Variants in PCCB observed in about 807,000 individuals in gnomAD.
PCCB encodes the protein propionyl-CoA carboxylase beta chain, mitochondrial.
In PCCB, 43 loss-of-function variants were observed where a neutral mutation model predicts 60.7. The observed-to-expected ratio is 0.71, with a 90% CI of 0.55 to 0.91. The LOEUF (loss-of-function observed/expected upper bound fraction) is 0.91, where lower values mean the gene tolerates loss of function less well. PCCB is among the 40% of genes least tolerant of loss of function. The probability of loss-of-function intolerance (pLI) is 0.00; values close to 1 mark genes in which losing one functional copy is unlikely to be tolerated. For synonymous variants in PCCB, 276 were observed against 255.9 expected (o/e 1.08, Z -0.75); for missense variants, 766 against 702.8 (o/e 1.09, Z -1.02).
rs761529521 is a variant in PCCB, at chr3:136,326,844, G to A, written c.1132G>A (p.Val378Ile). 6 of 1,613,072 alleles carry A rather than the reference G, an allele frequency of 3.7e-6. No individual in the cohort carries two copies. The highest frequency in any genetic ancestry group is 3.3e-5 in the Admixed American group (2 of 59,994). ...INSSVKGARF[V>I]RFCDAFNIPL... ...TTCATCTGTGAAAGGGGCTCGTTTT[G>A]TCAGATTCTGTGATGCATTCAATAT... is the stretch of plus-strand genomic sequence containing the variant. The change falls in exon 11 of 15, where the codon GTC becomes ATC. Residue 378 changes from valine to isoleucine, a missense_variant. By Grantham distance (29) the Val-to-Ile change is conservative. Coordinates refer to ENST00000251654, the MANE Select transcript of PCCB (RefSeq NM_000532.5).
rs770279302 is a variant in PCCB, at chr3:136,327,209, C to G, written c.1253C>G (p.Ala418Gly). The change falls in exon 12 of 15, where the codon GCA becomes GGA. Residue 418 changes from alanine (A) to glycine (G), a missense_variant. Ala to Gly is a moderately conservative substitution (Grantham distance 60, BLOSUM62 0). Coordinates refer to ENST00000251654, the MANE Select transcript of PCCB (RefSeq NM_000532.5). ...IIRHGAKLLY[A>G]FAEATVPKVT... ...CGGCATGGTGCCAAGCTTCTCTACG[C>G]ATTTGCTGAGGCAACTGTACCCAAA... The G allele has an allele frequency of 1.6e-5, 26 of 1,614,172 alleles. No homozygotes were observed. Among genetic ancestry groups the G allele is most frequent in the Non-Finnish European group, 2.2e-5 (26 of 1,180,024 alleles).
In PCCB at chr3:136,254,668, G is replaced by T. The variant is rs773136159; in HGVS notation, c.184-1188G>T. Among the ~76,000 whole-genome samples the T allele has an allele frequency of 5.9e-5, 9 of 151,620 alleles. No individual in the cohort carries two copies. In the South Asian group the frequency reaches 1.7e-3, roughly 28 times the overall value. Reference sequence around the variant, plus strand: ...CTGCCTCAGCCTCTTGAGTAGCTGGGATTACAGGCACGTGCCACCACTCCC... The same window carrying T: ...CTGCCTCAGCCTCTTGAGTAGCTGGTATTACAGGCACGTGCCACCACTCCC... On this transcript the variant is annotated intron_variant, in intron 1 of 14. Coordinates refer to ENST00000251654, the MANE Select transcript of PCCB (RefSeq NM_000532.5).
At chr3:136,318,076 C>T (rs1165996692) in intron 10 of PCCB, among the ~76,000 whole-genome samples, 2 of 152,196 alleles carry the variant, frequency 1.3e-5, no homozygotes, top group Non-Finnish European at 2.9e-5. Context: ...TGGTGCCTCA[C>T]GCCTGTAATC....
intron 10 of PCCB, among the ~76,000 whole-genome samples, chr3:136,320,205 T>C (rs1935062254): frequency 6.6e-6 from 1 of 152,208 alleles, no homozygotes; most frequent in Admixed American, 6.5e-5. Context: ...ATATGAATTT[T>C]GGTAGTGACT....
At chr3:136,293,419 C>T (rs1056884202) in intron 6 of PCCB, among the ~76,000 whole-genome samples, 2 of 152,190 alleles carry the variant, frequency 1.3e-5, no homozygotes, top group African/African-American at 2.4e-5. Context: ...TTTAGTGACA[C>T]AGTTTTGTGA....
intron 6 of PCCB, among the ~76,000 whole-genome samples, chr3:136,290,671 G>GTTTTGTTTTTTTTTTTT (rs1933637324): frequency 1.7e-5 from 1 of 60,050 alleles, no homozygotes; most frequent in African/African-American, 7.5e-5. Flanking sequence ...TCTCTGTGTA[G>GTTTTGTTTTTTTTTTTT]TTTTTTTTTT....
chr3:136,289,943 A>G (rs1045367961), intron 6 of PCCB, among the ~76,000 whole-genome samples: 3 of 152,160 alleles, frequency 2.0e-5, no homozygotes, highest in East Asian at 1.9e-4. Flanking sequence ...TATCCCTCAT[A>G]TGATATATAT....
intron 3 of PCCB, among the ~76,000 whole-genome samples, chr3:136,258,703 T>C (rs1453648244): frequency 6.6e-6 from 1 of 152,148 alleles, no homozygotes; most frequent in Non-Finnish European, 1.5e-5. Context: ...TCTTTTAGGC[T>C]AGCGATTGTG....
intron 5 of PCCB, among the ~76,000 whole-genome samples, chr3:136,279,641 C>G (rs1942421621): frequency 6.6e-6 from 1 of 152,064 alleles, no homozygotes; most frequent in Non-Finnish European, 1.5e-5. Context: ...TTTATTGTTT[C>G]ATGCATTTGC....
intron 10 of PCCB, among the ~76,000 whole-genome samples, chr3:136,323,101 GT>G (rs1213162034): frequency 6.7e-6 from 1 of 150,346 alleles, no homozygotes; most frequent in African/African-American, 2.4e-5. Flanking sequence ...TCTTCTTAGA[GT>G]TAGTTGAGTT....
chr3:136,310,059 C>CT (rs1212618444), intron 9 of PCCB, among the ~76,000 whole-genome samples: 1 of 151,808 alleles, frequency 6.6e-6, no homozygotes, highest in Admixed American at 6.6e-5. Flanking sequence ...TGACGAAACT[C>CT]TGTCTCTACA....
At chr3:136,303,518 A>T (rs1479218212) in intron 9 of PCCB, among the ~76,000 whole-genome samples, 1 of 122,526 alleles carries the variant, frequency 8.2e-6, no homozygotes, top group Non-Finnish European at 1.8e-5. Context: ...CATTGATATT[A>T]TGTGATACTA....
At chr3:136,252,660 TAA>T (rs1941549680) in intron 1 of PCCB, among the ~76,000 whole-genome samples, 1 of 144,732 alleles carries the variant, frequency 6.9e-6, no homozygotes, top group Admixed American at 6.8e-5. Context: ...CCTACCCAGC[TAA>T]TTTTTTTTTT....
chr3:136,323,870 A>G (rs1041167100), intron 10 of PCCB, among the ~76,000 whole-genome samples: 5 of 150,182 alleles, frequency 3.3e-5, no homozygotes, highest in African/African-American at 1.2e-4. Context: ...TTCAGTGTCT[A>G]TGCTTACTTA....
chr3:136,282,083 C>G (rs907537274), intron 5 of PCCB, among the ~76,000 whole-genome samples: 2 of 152,140 alleles, frequency 1.3e-5, no homozygotes, highest in African/African-American at 4.8e-5. Context: ...GAACATACAA[C>G]CTTGATTTTT....
At position 136,321,740 on chromosome 3, in the gene PCCB, G is replaced by C. The variant is rs114882873; in HGVS notation, c.1090+4676G>C. ...GATGAGATTTGGGCGGGCACACAGA[G>C]CTATCCCATACCAATAGTATTTTGT... On this transcript the variant is annotated intron_variant, in intron 10 of 14. Transcript: ENST00000251654. Among the ~76,000 whole-genome samples the C allele has an allele frequency of 7.2e-3, 1,090 of 152,310 alleles. 17 individuals carry two copies. The highest frequency in any genetic ancestry group is 0.025 in the African/African-American group (1,037 of 41,558).
intron 5 of PCCB, among the ~76,000 whole-genome samples, chr3:136,272,103 T>C (rs1942217964): frequency 6.6e-6 from 1 of 152,216 alleles, no homozygotes; most frequent in Admixed American, 6.5e-5. Flanking sequence ...TTTTTCTGCA[T>C]GCAATTGAGA....
At chr3:136,312,253 A>G (rs994288694) in intron 9 of PCCB, among the ~76,000 whole-genome samples, 1 of 152,232 alleles carries the variant, frequency 6.6e-6, no homozygotes, top group Non-Finnish European at 1.5e-5. Context: ...TAGATGGTAT[A>G]ACCTATTACA....
chr3:136,261,457 A>G (rs1941822276), intron 4 of PCCB, among the ~76,000 whole-genome samples: 1 of 152,266 alleles, frequency 6.6e-6, no homozygotes, highest in African/African-American at 2.4e-5. Context: ...CAAGGACTGT[A>G]GGAATATTGC....
Sources: gnomAD v4.1 joint callset for allele counts (sites outside exome capture counted in the v4.1 genomes callset) on GRCh38, gnomAD v4.1.1 for gene constraint, MANE v1.5 for transcripts, NCBI Gene and HGNC (gene_info 2026-07-23, HGNC 2026-07-21) for gene names.